Variants in RFX1 observed in about 807,000 individuals in gnomAD.
The protein encoded by RFX1 is regulatory factor X1.
A neutral mutation model predicts 119.6 loss-of-function variants in RFX1; 42 were observed. The ratio of observed to expected loss-of-function variants is 0.35; its 90% CI spans 0.27 to 0.45. The LOEUF (loss-of-function observed/expected upper bound fraction) is 0.45, where lower values mean the gene tolerates loss of function less well. RFX1 is among the 20% of genes least tolerant of loss of function. The pLI, the probability that RFX1 is intolerant of heterozygous loss-of-function variation, is 1.00. For missense variants in RFX1, 1,118 were observed against 1,368.1 expected (o/e 0.82, Z 2.88); for synonymous variants, 628 against 618.5 (o/e 1.02, Z -0.23).
At position 13,965,929 on chromosome 19, in the gene RFX1, T is replaced by C; in HGVS notation, c.1962-152A>G. ...GCATCAGAAGGCACAGGTACCCCCT[T>C]ACCCCCACTCCAGGGTCAGTGGGGC... On this transcript the variant is annotated intron_variant, in intron 14 of 20. Transcript: ENST00000254325. The surrounding 1 kb of genome is among the most constrained non-coding windows in gnomAD (Gnocchi z 4.7). The C allele has an allele frequency of 1.1e-6, 1 of 888,042 alleles. No homozygotes were observed. 55.0% of individuals were successfully genotyped at this position (888,042 alleles called of 1,614,324 possible). A position where few individuals can be genotyped will look rare whatever the true frequency, so the allele number is the denominator to read the frequency against.
Position 13,983,293 on chromosome 19 carries a change from G to C in RFX1, c.430-23C>G, listed in dbSNP as rs746055833. The stretch of plus-strand genomic sequence containing the variant: ...CCGCTGTGGAGACAAGGCAGGAGGA[G>C]CTGAGCTGCCACTTCCCCCAGGGAG... On this transcript the variant is annotated intron_variant, in intron 3 of 20. Transcript: ENST00000254325. The C allele has an allele frequency of 2.1e-5, 32 of 1,529,600 alleles. No individual in the cohort carries two copies. In the African/African-American group the frequency reaches 3.8e-4, roughly 18 times the overall value. 94.8% of individuals were successfully genotyped at this position (1,529,600 alleles called of 1,614,324 possible).
intron 2 of RFX1, among the ~76,000 whole-genome samples, chr19:13,984,264 G>A (rs1186963143): frequency 1.4e-5 from 2 of 142,166 alleles, no homozygotes; most frequent in Non-Finnish European, 3.0e-5. Context: ...AGGGGGGCCT[G>A]CCTGGCCCTC....
chr19:13,964,638 C>T (rs989810958), intron 16 of RFX1, among the ~76,000 whole-genome samples: 1 of 152,072 alleles, frequency 6.6e-6, no homozygotes, highest in African/African-American at 2.4e-5. Context: ...CACACCACCA[C>T]GCCGGGCTAA....
chr19:13,993,640 C>A lies in RFX1; in HGVS notation c.204G>T (p.Pro68=). The A allele has an allele frequency of 6.3e-7, 1 of 1,589,726 alleles. No individual in the cohort carries two copies. Among genetic ancestry groups the A allele is most frequent in the Non-Finnish European group, 8.6e-7 (1 of 1,166,538 alleles). The change falls in exon 2 of 21, where the codon CCG becomes CCT. Residue 68 remains proline (P), a synonymous_variant. Coordinates refer to ENST00000254325, the MANE Select transcript of RFX1 (RefSeq NM_002918.5). ...LQSPQPQAQP[P]GGQKQYVTEL... ...CCGTCACGTACTGCTTCTGGCCACC[C>A]GGTGGCTGTGCCTGGGGCTGGGGGC...
chr19:13,981,187 A>C (rs1025894335), intron 5 of RFX1, among the ~76,000 whole-genome samples: 3 of 152,236 alleles, frequency 2.0e-5, no homozygotes, highest in African/African-American at 7.2e-5. Context: ...CAGGCTGGCC[A>C]TAGAGCCCCA....
intron 1 of RFX1, among the ~76,000 whole-genome samples, chr19:13,995,951 C>T (rs1422138967): frequency 6.6e-6 from 1 of 151,918 alleles, no homozygotes; most frequent in African/African-American, 2.4e-5. Flanking sequence ...TTGCTTGAAC[C>T]CAGGAGGCAG....
chr19:14,000,849 C>A (rs1975193109), intron 1 of RFX1, among the ~76,000 whole-genome samples: 1 of 152,120 alleles, frequency 6.6e-6, no homozygotes, highest in Non-Finnish European at 1.5e-5. Context: ...AATCTCAGCA[C>A]TTTGAGAGCC....
In RFX1 at chr19:13,980,731, T is replaced by TGCATCCTCTCTGGGGTGAGCTC; in HGVS notation, c.622-43_622-42insGAGCTCACCCCAGAGAGGATGC. The TGCATCCTCTCTGGGGTGAGCTC allele has an allele frequency of 8.3e-7, 1 of 1,201,556 alleles. No homozygotes were observed. Among genetic ancestry groups the TGCATCCTCTCTGGGGTGAGCTC allele is most frequent in the Non-Finnish European group, 1.2e-6 (1 of 842,378 alleles). The allele number at this position is 1,201,556 out of a possible 1,614,324, so 74.4% of individuals were successfully genotyped here. A position where few individuals can be genotyped will look rare whatever the true frequency, so the allele number is the denominator to read the frequency against. Reference sequence around the variant, plus strand: ...CACAGGAGTGCCGCTGGGGTGGGCTTGCATCCTCTCTGAGGTGGGCTCACA... The same window carrying TGCATCCTCTCTGGGGTGAGCTC: ...CACAGGAGTGCCGCTGGGGTGGGCTTGCATCCTCTCTGGGGTGAGCTCGCATCCTCTCTGAGGTGGGCTCACA... On this transcript the variant is annotated intron_variant, in intron 5 of 20. Transcript: ENST00000254325. The surrounding 1 kb of genome is among the most constrained non-coding windows in gnomAD (Gnocchi z 5.1).
Position 13,962,831 on chromosome 19 carries a change from T to C in RFX1, c.2804A>G (p.Asp935Gly). 6.5e-7 allele frequency: 1 copy of C among 1,527,514 alleles called. No homozygotes were observed. Among genetic ancestry groups the C allele is most frequent in the Non-Finnish European group, 8.8e-7 (1 of 1,140,438 alleles). The allele number at this position is 1,527,514 out of a possible 1,614,324, so 94.6% of individuals were successfully genotyped here. A position where few individuals can be genotyped will look rare whatever the true frequency, so the allele number is the denominator to read the frequency against. The change falls in exon 21 of 21, where the codon GAC becomes GGC. Residue 935 changes from aspartate to glycine, a missense_variant. Transcript: ENST00000254325. ...EEEEEEEESE[D>G]ELPQDISLAA... ...CAGTGAGATGTCCTGCGGCAGCTCG[T>C]CCTCGCTCTCCTCCTCCTCTTCTTC...
At chr19:13,977,180 A>G (rs1287032284) in intron 8 of RFX1, among the ~76,000 whole-genome samples, 1 of 151,716 alleles carries the variant, frequency 6.6e-6, no homozygotes, top group Non-Finnish European at 1.5e-5. Flanking sequence ...CTGTAATCCC[A>G]GCTACCCGGG....
At chr19:13,979,181 A>AG (rs1974351491) in intron 7 of RFX1, among the ~76,000 whole-genome samples, 1 of 152,074 alleles carries the variant, frequency 6.6e-6, no homozygotes, top group African/African-American at 2.4e-5. Flanking sequence ...CAGCCACCCG[A>AG]GGGAAGATCC....
intron 2 of RFX1, among the ~76,000 whole-genome samples, chr19:13,991,133 C>T (rs527560722): frequency 6.6e-6 from 1 of 152,232 alleles, no homozygotes; most frequent in Non-Finnish European, 1.5e-5. Flanking sequence ...CTGCTTAATC[C>T]AAGAAGGCAA....
At chr19:13,988,660 G>A (rs770617094) in intron 2 of RFX1, among the ~76,000 whole-genome samples, 12 of 152,066 alleles carry the variant, frequency 7.9e-5, no homozygotes, top group Non-Finnish European at 1.5e-4. Flanking sequence ...ACTGAGCACT[G>A]ACAGAGCCCT....
intron 1 of RFX1, among the ~76,000 whole-genome samples, chr19:14,005,260 A>G (rs188398321): frequency 1.3e-5 from 2 of 152,236 alleles, no homozygotes; most frequent in Admixed American, 1.3e-4. Flanking sequence ...CCTCCCTACC[A>G]TGGACTTTGA....
At chr19:13,997,872 G>A (rs940217490) in intron 1 of RFX1, among the ~76,000 whole-genome samples, 8 of 152,234 alleles carry the variant, frequency 5.3e-5, no homozygotes, top group East Asian at 1.9e-4. Flanking sequence ...CTTGCCCACC[G>A]TGAGAGGGAA....
chr19:13,988,093 C>T (rs1229607746), intron 2 of RFX1, among the ~76,000 whole-genome samples: 1 of 146,632 alleles, frequency 6.8e-6, no homozygotes, highest in Non-Finnish European at 1.5e-5. Flanking sequence ...ATGACATGAT[C>T]TCGACTCACT....
chr19:13,977,642 C>T (rs1286183121), intron 8 of RFX1, among the ~76,000 whole-genome samples: 1 of 152,060 alleles, frequency 6.6e-6, no homozygotes, highest in East Asian at 1.9e-4. Context: ...GTCTTGAACT[C>T]CTGACCTCAA....
chr19:13,978,142 T>C, intron 7 of RFX1, 56 bp from the exon 8 acceptor site: 1 of 1,371,982 alleles, frequency 7.3e-7, no homozygotes, highest in Non-Finnish European at 1.0e-6. Context: ...CCTACGGTTC[T>C]CCCTCTAAAG....
At chr19:13,962,925 C>T (rs1257923935) in intron 20 of RFX1, 61 bp from the exon 21 acceptor site, 1 of 1,544,948 alleles carries the variant, frequency 6.5e-7, no homozygotes, top group African/African-American at 1.4e-5. Context: ...GGCTCCTCCT[C>T]CTCCCGAGCC....
Sources: gnomAD v4.1 joint callset for allele counts (sites outside exome capture counted in the v4.1 genomes callset) on GRCh38, gnomAD v4.1.1 for gene constraint, Gnocchi (gnomAD v3.1) non-coding constraint, MANE v1.5 for transcripts, NCBI Gene and HGNC (gene_info 2026-07-23, HGNC 2026-07-21) for gene names.